Variants in ARHGAP15 observed in about 807,000 individuals in gnomAD.
The protein encoded by ARHGAP15 is rho GTPase-activating protein 15.
ARHGAP15 carries 51 observed loss-of-function variants against 63.7 expected under a neutral mutation model. That is an observed-to-expected ratio of 0.80 (90% CI 0.64 to 1.01). The LOEUF (loss-of-function observed/expected upper bound fraction) is 1.01, where lower values mean the gene tolerates loss of function less well. Among genes scored for constraint, ARHGAP15 ranks in the 50% least tolerant of loss-of-function variants. The probability of loss-of-function intolerance (pLI) is 0.00; values close to 1 mark genes in which losing one functional copy is unlikely to be tolerated. For synonymous variants in ARHGAP15, 191 were observed against 193.8 expected (o/e 0.99, Z 0.12); for missense variants, 560 against 564.6 (o/e 0.99, Z 0.08).
At chr2:143,736,117 G>A (rs568887965) in intron 13 of ARHGAP15, among the ~76,000 whole-genome samples, 43 of 152,190 alleles carry the variant, frequency 2.8e-4, no homozygotes, top group African/African-American at 8.0e-4. Flanking sequence ...AGTGGCTCAC[G>A]TCTGTAATCC....
chr2:143,363,064 A>G (rs1686132392), intron 6 of ARHGAP15, among the ~76,000 whole-genome samples: 1 of 152,200 alleles, frequency 6.6e-6, no homozygotes, highest in Admixed American at 6.5e-5. Flanking sequence ...TTAGAAAAAA[A>G]TCTGCCATCT....
At chr2:143,150,815 T>C (rs1689784655) in intron 1 of ARHGAP15, among the ~76,000 whole-genome samples, 1 of 151,972 alleles carries the variant, frequency 6.6e-6, no homozygotes. Context: ...GATGATGACA[T>C]GAGTGGGTAA....
chr2:143,455,219 A>G (rs1690590087), intron 8 of ARHGAP15, among the ~76,000 whole-genome samples: 1 of 152,098 alleles, frequency 6.6e-6, no homozygotes, highest in African/African-American at 2.4e-5. Context: ...TTAGTTTTCA[A>G]GGAAAGAGGT....
intron 2 of ARHGAP15, among the ~76,000 whole-genome samples, chr2:143,170,666 A>G (rs1558791199): frequency 6.6e-6 from 1 of 152,122 alleles, no homozygotes; most frequent in East Asian, 1.9e-4. Context: ...ATTCAACTTC[A>G]GAGAGCCAAC....
In ARHGAP15 at chr2:143,750,214, C is replaced by T. The variant is rs1686318675; in HGVS notation, c.1245-17775C>T. On this transcript the variant is annotated intron_variant, in intron 13 of 13. Transcript: ENST00000295095. ...CAGCACTTTGGAAGGCCGAGGTAGG[C>T]AGATCACCTGAGGTCAGGAGTTCGA... Among the ~76,000 whole-genome samples the T allele has an allele frequency of 3.3e-5, 5 of 152,194 alleles. No individual in the cohort carries two copies. In the South Asian group the frequency reaches 8.3e-4, roughly 25 times the overall value.
chr2:143,394,445 G>T (rs1339714077), intron 6 of ARHGAP15, among the ~76,000 whole-genome samples: 1 of 152,156 alleles, frequency 6.6e-6, no homozygotes, highest in Admixed American at 6.5e-5. Context: ...GTGCAAGCAT[G>T]GTTTCCAAGA....
At chr2:143,188,227 T>G (rs13025980) in intron 2 of ARHGAP15, among the ~76,000 whole-genome samples, 25,587 of 152,074 alleles carry the variant, frequency 0.17, 2,336 homozygotes, top group Middle Eastern at 0.24. Context: ...TTTCACAATT[T>G]TTAGTTCAAT....
intron 2 of ARHGAP15, among the ~76,000 whole-genome samples, chr2:143,181,596 A>G (rs1691236669): frequency 6.6e-6 from 1 of 152,214 alleles, no homozygotes; most frequent in South Asian, 2.1e-4. Context: ...CTTAAACCTC[A>G]TGAACTAACC....
intron 5 of ARHGAP15, among the ~76,000 whole-genome samples, chr2:143,242,425 G>GT (rs544368035): frequency 7.2e-4 from 109 of 152,294 alleles, no homozygotes; most frequent in African/African-American, 2.5e-3. Context: ...CCTTTTTAAT[G>GT]TAAATGTAAG....
chr2:143,753,197 G>T (rs1686446926), intron 13 of ARHGAP15, among the ~76,000 whole-genome samples: 1 of 152,172 alleles, frequency 6.6e-6, no homozygotes, highest in African/African-American at 2.4e-5. Context: ...GTGTCCTTGA[G>T]CAAGGAGGCT....
intron 6 of ARHGAP15, among the ~76,000 whole-genome samples, chr2:143,283,142 G>A (rs2105089174): frequency 6.6e-6 from 1 of 152,220 alleles, no homozygotes; most frequent in African/African-American, 2.4e-5. Context: ...TTCAATCCCT[G>A]TCCAAAATGA....
At chr2:143,638,473 G>A (rs1272254677) in intron 12 of ARHGAP15, among the ~76,000 whole-genome samples, 56 of 129,248 alleles carry the variant, frequency 4.3e-4, no homozygotes, top group African/African-American at 1.6e-3. Flanking sequence ...GACACAGGAA[G>A]GGGAATATCA....
chr2:143,525,045 T>C (rs1694206267), intron 10 of ARHGAP15, among the ~76,000 whole-genome samples: 1 of 152,164 alleles, frequency 6.6e-6, no homozygotes, highest in Non-Finnish European at 1.5e-5. Flanking sequence ...TCCCGTTGCC[T>C]TTGAATCCAG....
rs1682942397 is a variant in ARHGAP15, at chr2:143,302,305, G to A, written c.474+51705G>A. Among the ~76,000 whole-genome samples, 2 of 151,914 alleles carry A rather than the reference G, an allele frequency of 1.3e-5. 1 individual carries two copies. The highest frequency in any genetic ancestry group is 4.1e-4 in the South Asian group (2 of 4,824). Reference sequence around the variant, plus strand: ...CCACCATTCTTGTCCCTATAAGACTGTTAAAGAGGACTTTTAATTCAACTG... The same window carrying A: ...CCACCATTCTTGTCCCTATAAGACTATTAAAGAGGACTTTTAATTCAACTG... On this transcript the variant is annotated intron_variant, in intron 6 of 13. Coordinates refer to ENST00000295095, the MANE Select transcript of ARHGAP15 (RefSeq NM_018460.4).
intron 11 of ARHGAP15, among the ~76,000 whole-genome samples, chr2:143,614,550 G>A (rs756361120): frequency 1.4e-4 from 22 of 152,004 alleles, no homozygotes; most frequent in Non-Finnish European, 1.9e-4. Context: ...TGTCATCATC[G>A]TTGGTATTAT....
chr2:143,259,977 C>T (rs1340289621), intron 6 of ARHGAP15, among the ~76,000 whole-genome samples: 2 of 152,060 alleles, frequency 1.3e-5, no homozygotes, highest in Non-Finnish European at 2.9e-5. Context: ...TTTAATCCCT[C>T]ATTTGGATCT....
At chr2:143,598,564 C>T (rs1355680562) in intron 11 of ARHGAP15, among the ~76,000 whole-genome samples, 1 of 152,126 alleles carries the variant, frequency 6.6e-6, no homozygotes, top group Non-Finnish European at 1.5e-5. Context: ...CACATTATAC[C>T]TTACCCCTTT....
intron 2 of ARHGAP15, among the ~76,000 whole-genome samples, chr2:143,194,943 A>C (rs561868943): frequency 6.6e-6 from 1 of 152,230 alleles, no homozygotes; most frequent in Admixed American, 6.5e-5. Flanking sequence ...CCCTTTGGCT[A>C]TCTGGGATAT....
intron 13 of ARHGAP15, among the ~76,000 whole-genome samples, chr2:143,709,427 C>T (rs959877522): frequency 1.3e-5 from 2 of 152,130 alleles, no homozygotes; most frequent in African/African-American, 2.4e-5. Context: ...GCAGATTTTA[C>T]GTGCAAATAA....
Sources: allele counts gnomAD v4.1 joint callset (sites outside exome capture counted in the v4.1 genomes callset), GRCh38; gene constraint gnomAD v4.1.1; transcripts MANE v1.5; gene names NCBI Gene and HGNC (gene_info 2026-07-23, HGNC 2026-07-21).